GRIN2A: variants seen among roughly 807,000 people sequenced by gnomAD.
GRIN2A encodes the protein glutamate receptor ionotropic, NMDA 2A.
In GRIN2A, 22 loss-of-function variants were observed where a neutral mutation model predicts 113.4. The observed-to-expected ratio is 0.19, with a 90% CI of 0.14 to 0.28. The LOEUF (loss-of-function observed/expected upper bound fraction) is 0.28, where lower values mean the gene tolerates loss of function less well. Ranked by LOEUF, GRIN2A falls within the 10% of genes least tolerant of loss-of-function variation. GRIN2A has a pLI of 1.00. For synonymous variants in GRIN2A, 827 were observed against 738.4 expected (o/e 1.12, Z -1.94); for missense variants, 1,502 against 1,887.0 (o/e 0.80, Z 3.78).
At position 9,753,673 on chromosome 16, in the gene GRIN2A, T is replaced by A. The variant is rs1900254211; in HGVS notation, c.*9476A>T. 5.1e-6 allele frequency: 1 copy of A among 194,948 alleles called. No homozygotes were observed. The highest frequency in any genetic ancestry group is 1.1e-5 in the Non-Finnish European group (1 of 93,736). The allele number at this position is 194,948 out of a possible 1,614,324, so 12.1% of individuals were successfully genotyped here. ...AAGCAAACATATAATTTTGTAGCTA[T>A]GCTTGGAAATATTTAATACACTTAT... On this transcript the variant is annotated 3_prime_UTR_variant, in exon 13 of 13. Transcript: ENST00000330684.
At chr16:9,902,588 G>A (rs748251068) in intron 3 of GRIN2A, among the ~76,000 whole-genome samples, 12 of 152,256 alleles carry the variant, frequency 7.9e-5, no homozygotes, top group African/African-American at 2.4e-4. Context: ...CTGGTTATTT[G>A]AACCAAAATC....
intron 2 of GRIN2A, among the ~76,000 whole-genome samples, chr16:10,049,532 T>C (rs1413406603): frequency 2.0e-5 from 3 of 151,972 alleles, no homozygotes; most frequent in African/African-American, 7.2e-5. Flanking sequence ...CACCCACAAC[T>C]ACGCCCACCT....
intron 2 of GRIN2A, among the ~76,000 whole-genome samples, chr16:10,046,165 A>G (rs529496504): frequency 1.3e-5 from 2 of 152,256 alleles, no homozygotes; most frequent in East Asian, 3.9e-4. Context: ...CCAATGTGGC[A>G]TGAGAGGAAG....
At chr16:10,169,136 C>T (rs1158976917) in intron 2 of GRIN2A, among the ~76,000 whole-genome samples, 1 of 152,070 alleles carries the variant, frequency 6.6e-6, no homozygotes, top group African/African-American at 2.4e-5. Flanking sequence ...GATTTCCCTT[C>T]TCCAGGCTAA....
chr16:10,085,369 G>A (rs760320590), intron 2 of GRIN2A, among the ~76,000 whole-genome samples: 1 of 152,090 alleles, frequency 6.6e-6, no homozygotes, highest in African/African-American at 2.4e-5. Context: ...ACAAAAGAAG[G>A]GCACGCAAAT....
chr16:10,173,082 TGA>T (rs1446115595), intron 2 of GRIN2A, among the ~76,000 whole-genome samples: 2 of 152,176 alleles, frequency 1.3e-5, no homozygotes, highest in African/African-American at 4.8e-5. Flanking sequence ...ACTTGGAGTG[TGA>T]GTCACGCTAC....
At chr16:10,125,089 T>G (rs2142195917) in intron 2 of GRIN2A, among the ~76,000 whole-genome samples, 1 of 152,306 alleles carries the variant, frequency 6.6e-6, no homozygotes, top group African/African-American at 2.4e-5. Context: ...GTGAGGATGT[T>G]GGATTTTATT....
intron 3 of GRIN2A, among the ~76,000 whole-genome samples, chr16:9,921,593 C>T (rs1331081828): frequency 6.6e-6 from 1 of 152,142 alleles, no homozygotes; most frequent in Non-Finnish European, 1.5e-5. Context: ...ATGTGAAAAT[C>T]CTTAACATAC....
At chr16:10,116,448 T>C (rs13337187) in intron 2 of GRIN2A, among the ~76,000 whole-genome samples, 20,347 of 152,200 alleles carry the variant, frequency 0.13, 1,603 homozygotes, top group African/African-American at 0.19. Flanking sequence ...GTTCTGTACA[T>C]GTATCCCAGA....
chr16:10,015,252 CAAAAAAAAAAAAAAAAAAAG>C (rs2046582658), intron 2 of GRIN2A, among the ~76,000 whole-genome samples: 2 of 19,316 alleles, frequency 1.0e-4, no homozygotes, highest in Admixed American at 1.7e-3. Context: ...GACTTCATCT[CAAAAAAAAAAAAAAAAAAAG>C]AAAAAAAAAA....
chr16:10,004,791 C>T (rs1567229347), intron 2 of GRIN2A, among the ~76,000 whole-genome samples: 1 of 152,110 alleles, frequency 6.6e-6, no homozygotes, highest in Non-Finnish European at 1.5e-5. Context: ...GGAAAATCTC[C>T]CCATATCAAG....
At chr16:9,987,671 A>G (rs1462864628) in intron 2 of GRIN2A, among the ~76,000 whole-genome samples, 1 of 152,244 alleles carries the variant, frequency 6.6e-6, no homozygotes, top group Non-Finnish European at 1.5e-5. Context: ...AAAAGCAAAG[A>G]AAGATGGAGA....
At position 9,762,596 on chromosome 16, in the gene GRIN2A, A is replaced by G; in HGVS notation, c.*553T>C. The G allele has an allele frequency of 4.2e-6, 1 of 237,514 alleles. No individual in the cohort carries two copies. The highest frequency in any genetic ancestry group is 8.3e-6 in the Non-Finnish European group (1 of 120,410). 14.7% of individuals were successfully genotyped at this position (237,514 alleles called of 1,614,324 possible). On this transcript the variant is annotated 3_prime_UTR_variant, in exon 13 of 13. Transcript: ENST00000330684. ...TGGGGTGAGCCTGGGCTGTGATGGA[A>G]GGCATAACAAGAAAGCTGAAACTGT...
chr16:10,094,341 C>A (rs1006139971), intron 2 of GRIN2A, among the ~76,000 whole-genome samples: 1 of 152,144 alleles, frequency 6.6e-6, no homozygotes, highest in Non-Finnish European at 1.5e-5. Context: ...GCTGGTCATT[C>A]CCTATCTCTT....
At chr16:9,887,813 C>A (rs12920653) in intron 4 of GRIN2A, among the ~76,000 whole-genome samples, 39,253 of 152,070 alleles carry the variant, frequency 0.26, 5,513 homozygotes, top group African/African-American at 0.36. Flanking sequence ...GATCTCAGCA[C>A]TTTGGGAGGC....
chr16:10,141,116 C>A (rs2142254823), intron 2 of GRIN2A, among the ~76,000 whole-genome samples: 1 of 151,968 alleles, frequency 6.6e-6, no homozygotes, highest in African/African-American at 2.4e-5. Flanking sequence ...ATCGCTTGAA[C>A]CCCGGAGGGT....
chr16:10,148,506 G>A (rs867710433), intron 2 of GRIN2A, among the ~76,000 whole-genome samples: 1 of 152,248 alleles, frequency 6.6e-6, no homozygotes, highest in Admixed American at 6.5e-5. Context: ...CCTGAGCTCC[G>A]TGTTCACAGA....
At chr16:10,066,352 CAT>C (rs1157802429) in intron 2 of GRIN2A, among the ~76,000 whole-genome samples, 14 of 152,192 alleles carry the variant, frequency 9.2e-5, no homozygotes, top group Admixed American at 9.2e-4. Context: ...CTTCTGGAAA[CAT>C]CACCAACTTA....
intron 2 of GRIN2A, among the ~76,000 whole-genome samples, chr16:10,025,945 T>A (rs533940153): frequency 1.3e-5 from 2 of 152,302 alleles, no homozygotes; most frequent in African/African-American, 4.8e-5. Flanking sequence ...CTTGAGGAAG[T>A]CAGGCACAGC....
Sources: allele counts gnomAD v4.1 joint callset (sites outside exome capture counted in the v4.1 genomes callset), GRCh38; gene constraint gnomAD v4.1.1; transcripts MANE v1.5; gene names NCBI Gene and HGNC (gene_info 2026-07-23, HGNC 2026-07-21).